Variants in FNDC3A observed in about 807,000 individuals in gnomAD.
The protein encoded by FNDC3A is fibronectin type-III domain-containing protein 3A.
FNDC3A carries 32 observed loss-of-function variants against 148.9 expected under a neutral mutation model. That is an observed-to-expected ratio of 0.21 (90% CI 0.16 to 0.29). The LOEUF (loss-of-function observed/expected upper bound fraction) is 0.29, where lower values mean the gene tolerates loss of function less well. Among genes scored for constraint, FNDC3A ranks in the 10% least tolerant of loss-of-function variants. The pLI is 1.00. For missense variants in FNDC3A, 1,191 were observed against 1,452.8 expected (o/e 0.82, Z 2.93); for synonymous variants, 472 against 473.6 (o/e 1.00, Z 0.04).
Position 49,198,399 on chromosome 13 carries a change from C to T in FNDC3A, c.2812C>T (p.Pro938Ser). ...IQALNSLGAG[P>S]FSHMIKLKTK... ...AGCCTTGAATAGCCTTGGAGCTGGT[C>T]CTTTCAGCCATATGATAAAATTAAA... is the stretch of plus-strand genomic sequence containing the variant. Residue 938 changes from proline to serine, a missense_variant, in exon 23 of 26, where the codon CCT (proline) becomes TCT (serine). Physicochemically the swap from Pro to Ser is moderately conservative, Grantham distance 74. Around this residue, in one of 3 missense-constraint regions of FNDC3A, gnomAD observed 751 missense variants for 944.0 expected, o/e 0.80. Transcript: ENST00000492622. The T allele has an allele frequency of 6.2e-7, 1 of 1,614,122 alleles. No homozygotes were observed. The highest frequency in any genetic ancestry group is 8.5e-7 in the Non-Finnish European group (1 of 1,180,016).
At chr13:49,027,083 G>GA (rs1361079928) in intron 2 of FNDC3A, among the ~76,000 whole-genome samples, 2 of 151,692 alleles carry the variant, frequency 1.3e-5, no homozygotes, top group Admixed American at 6.6e-5. Context: ...AGAGTGTACA[G>GA]AAAAAAACAG....
chr13:49,114,992 A>G (rs1309429149), intron 4 of FNDC3A, among the ~76,000 whole-genome samples: 3 of 152,170 alleles, frequency 2.0e-5, no homozygotes, highest in South Asian at 4.1e-4. Context: ...CTCCCTAAAT[A>G]TATGACTAAA....
intron 7 of FNDC3A, among the ~76,000 whole-genome samples, chr13:49,140,698 A>G (rs1248993350): frequency 2.0e-5 from 3 of 152,202 alleles, no homozygotes; most frequent in Non-Finnish European, 2.9e-5. Context: ...ATGTTGTGCT[A>G]AAGCTGGAGA....
intron 3 of FNDC3A, among the ~76,000 whole-genome samples, chr13:49,112,091 CTTA>C (rs1457205433): frequency 3.9e-5 from 6 of 152,126 alleles, no homozygotes; most frequent in South Asian, 2.1e-4. Context: ...TTAGCAATAA[CTTA>C]TTATTCTGAT....
In FNDC3A at chr13:49,187,471, A is replaced by C. The variant is rs1885640716; in HGVS notation, c.1825+281A>C. ...TTCATATCTGTTAATGGATGAACTG[A>C]AACATCCTTATGTTTTAAGTAGTTG... On this transcript the variant is annotated intron_variant, in intron 16 of 25. Transcript: ENST00000492622. The C allele has an allele frequency of 3.4e-6, 5 of 1,479,336 alleles. No homozygotes were observed. The Admixed American group carries it at 8.4e-5, about 25-fold the overall frequency. 91.6% of individuals were successfully genotyped at this position (1,479,336 alleles called of 1,614,324 possible).
At chr13:49,010,369 G>A (rs1487909207) in intron 2 of FNDC3A, among the ~76,000 whole-genome samples, 2 of 152,140 alleles carry the variant, frequency 1.3e-5, no homozygotes, top group Admixed American at 1.3e-4. Flanking sequence ...CATATAAGAA[G>A]TATGCCTCTG....
intron 2 of FNDC3A, among the ~76,000 whole-genome samples, chr13:49,039,958 C>G (rs990760074): frequency 6.6e-6 from 1 of 152,234 alleles, no homozygotes; most frequent in Admixed American, 6.5e-5. Context: ...AGGTGATCTG[C>G]CTGCCTCAGC....
chr13:49,117,914 CT>C (rs1881072791), intron 4 of FNDC3A, among the ~76,000 whole-genome samples: 1 of 152,144 alleles, frequency 6.6e-6, no homozygotes, highest in African/African-American at 2.4e-5. Flanking sequence ...TAGGAACTGC[CT>C]TTTAATTATT....
chr13:49,025,308 A>G (rs1321869796), intron 2 of FNDC3A, among the ~76,000 whole-genome samples: 2 of 152,040 alleles, frequency 1.3e-5, no homozygotes, highest in African/African-American at 4.8e-5. Context: ...ATCACTATTG[A>G]CTTGGTAATA....
At chr13:49,050,639 G>A (rs1875767445) in intron 2 of FNDC3A, among the ~76,000 whole-genome samples, 1 of 152,172 alleles carries the variant, frequency 6.6e-6, no homozygotes, top group Non-Finnish European at 1.5e-5. Flanking sequence ...AGAATGTTCT[G>A]TAAATACCTG....
intron 5 of FNDC3A, 67 bp downstream of exon 5, chr13:49,131,441 CATT>C: frequency 8.9e-7 from 1 of 1,118,884 alleles, no homozygotes; most frequent in East Asian, 2.4e-5. Context: ...TAATAGATGC[CATT>C]ATCATATCAC....
chr13:49,166,278 T>C (rs561466848), intron 8 of FNDC3A, among the ~76,000 whole-genome samples: 11 of 152,226 alleles, frequency 7.2e-5, no homozygotes, highest in African/African-American at 2.6e-4. Flanking sequence ...TTGGAGTGCA[T>C]GAAGATGTGC....
At chr13:49,002,798 A>G (rs151191948) in intron 1 of FNDC3A, among the ~76,000 whole-genome samples, 1 of 152,254 alleles carries the variant, frequency 6.6e-6, no homozygotes, top group Non-Finnish European at 1.5e-5. Flanking sequence ...TCATTGCTGC[A>G]TATAGTCCAT....
intron 1 of FNDC3A, among the ~76,000 whole-genome samples, chr13:48,988,955 G>A (rs1951856957): frequency 6.6e-6 from 1 of 151,998 alleles, no homozygotes; most frequent in African/African-American, 2.4e-5. Flanking sequence ...TACATTTAAG[G>A]AAACTACACA....
At chr13:49,116,384 T>A (rs768977810) in intron 4 of FNDC3A, among the ~76,000 whole-genome samples, 37 of 152,236 alleles carry the variant, frequency 2.4e-4, no homozygotes, top group Non-Finnish European at 4.0e-4. Context: ...ATTGAGTGTT[T>A]ATATATGTCA....
chr13:49,127,976 G>A (rs145921144), intron 4 of FNDC3A, among the ~76,000 whole-genome samples: 210 of 152,132 alleles, frequency 1.4e-3, no homozygotes, highest in African/African-American at 4.9e-3. Context: ...CTGCCTCCCG[G>A]GTTCAAACGA....
chr13:48,985,267 T>G (rs1328628391), intron 1 of FNDC3A, among the ~76,000 whole-genome samples: 4 of 152,120 alleles, frequency 2.6e-5, no homozygotes, highest in Middle Eastern at 3.2e-3. Context: ...GAAATATAGG[T>G]AGCCTGTTAA....
At chr13:49,149,048 G>T (rs1478111502) in intron 8 of FNDC3A, among the ~76,000 whole-genome samples, 1 of 151,744 alleles carries the variant, frequency 6.6e-6, no homozygotes, top group Non-Finnish European at 1.5e-5. Flanking sequence ...TTTGTATTTT[G>T]ATTTTATATC....
intron 3 of FNDC3A, among the ~76,000 whole-genome samples, chr13:49,090,443 C>T (rs1458987393): frequency 6.6e-6 from 1 of 152,066 alleles, no homozygotes; most frequent in African/African-American, 2.4e-5. Flanking sequence ...AAAACAAACA[C>T]ATCCAGGAGA....
Sources: gnomAD v4.1 joint callset for allele counts (sites outside exome capture counted in the v4.1 genomes callset) on GRCh38, gnomAD v4.1.1 for gene constraint, gnomAD v4.1.1 regional missense constraint, MANE v1.5 for transcripts, NCBI Gene and HGNC (gene_info 2026-07-23, HGNC 2026-07-21) for gene names.